Variants in STK4 observed in about 807,000 individuals in gnomAD.
STK4 encodes the protein serine/threonine kinase 4.
In STK4, 30 loss-of-function variants were observed where a neutral mutation model predicts 64.9. The observed-to-expected ratio is 0.46, with a 90% confidence interval of 0.35 to 0.63. STK4 has a LOEUF of 0.63. STK4 is among the 20% of genes least tolerant of loss of function. The pLI is 0.01. For synonymous variants in STK4, 177 were observed against 199.0 expected (o/e 0.89, Z 0.93); for missense variants, 466 against 598.5 (o/e 0.78, Z 2.31).
rs569340517 is a variant in STK4 at position 45,017,168 on chromosome 20, G to A, written c.1148-7805G>A. On this transcript the variant is annotated intron_variant, in intron 9 of 10. Transcript: ENST00000372806. ...CATGTAGAGTATGAAAACCAAATGAGGCATTCACTGCTTTCAGTAACTTAT... is the reference window on the plus strand; with the variant it reads ...CATGTAGAGTATGAAAACCAAATGAAGCATTCACTGCTTTCAGTAACTTAT... Among the ~76,000 whole-genome samples the A allele has an allele frequency of 3.2e-4, 48 of 152,230 alleles. 1 individual carries two copies. The highest frequency in any genetic ancestry group is 1.1e-3 in the African/African-American group (46 of 41,538).
intron 10 of STK4, among the ~76,000 whole-genome samples, chr20:45,028,389 C>G (rs1490308573): frequency 6.6e-6 from 1 of 150,748 alleles, no homozygotes; most frequent in Non-Finnish European, 1.5e-5. Flanking sequence ...TGCAGTGGTC[C>G]GATCATAGCT....
chr20:45,013,724 G>C lies in STK4; in HGVS notation c.1148-11249G>C, dbSNP rs139596490. Among the ~76,000 whole-genome samples the C allele has an allele frequency of 1.2e-3, 178 of 152,200 alleles. 1 individual carries two copies. Among genetic ancestry groups the C allele is most frequent in the African/African-American group, 4.0e-3 (168 of 41,540 alleles). ...ATAATGTATTTTCTAATTGTTTGGT[G>C]CAGGAATCTGTAATTAGCAATCAGT... On this transcript the variant is annotated intron_variant, in intron 9 of 10. Transcript: ENST00000372806.
chr20:44,993,882 G>C (rs983365653), intron 5 of STK4, among the ~76,000 whole-genome samples: 1 of 151,916 alleles, frequency 6.6e-6, no homozygotes, highest in Non-Finnish European at 1.5e-5. Context: ...GGGAGACTCA[G>C]TCAGGAGAGT....
At chr20:44,999,305 A>G (rs1366480859) in intron 7 of STK4, among the ~76,000 whole-genome samples, 1 of 152,192 alleles carries the variant, frequency 6.6e-6, no homozygotes, top group African/African-American at 2.4e-5. Context: ...GGATTGCCAA[A>G]TTCTTTTTCT....
intron 9 of STK4, chr20:45,007,694 GCTGT>G (rs1437135444): frequency 3.0e-6 from 1 of 335,540 alleles, no homozygotes; most frequent in Non-Finnish European, 5.9e-6. Context: ...TGATTCTGGT[GCTGT>G]CTTTCACTGA....
At chr20:45,015,913 C>T (rs1249508090) in intron 9 of STK4, among the ~76,000 whole-genome samples, 2 of 152,022 alleles carry the variant, frequency 1.3e-5, no homozygotes, top group African/African-American at 2.4e-5. Flanking sequence ...TTTCATTGGA[C>T]GTAAACATTT....
At chr20:45,038,632 A>T (rs905181174) in intron 10 of STK4, among the ~76,000 whole-genome samples, 2 of 152,010 alleles carry the variant, frequency 1.3e-5, no homozygotes, top group South Asian at 4.1e-4. Context: ...CTTATTTAAT[A>T]TGTTCCCTGA....
At chr20:45,036,062 A>G (rs541760141) in intron 10 of STK4, among the ~76,000 whole-genome samples, 4 of 152,292 alleles carry the variant, frequency 2.6e-5, no homozygotes, top group Non-Finnish European at 4.4e-5. Flanking sequence ...TAAACAATGT[A>G]TTGTATTTTG....
chr20:44,978,649 A>C, intron 3 of STK4, 78 bp downstream of exon 3: 1 of 1,464,620 alleles, frequency 6.8e-7, no homozygotes, highest in Non-Finnish European at 9.1e-7. Context: ...ATACCTAGAG[A>C]CACATTTACT....
intron 9 of STK4, among the ~76,000 whole-genome samples, chr20:45,022,696 G>A (rs2068269734): frequency 6.6e-6 from 1 of 152,040 alleles, no homozygotes. Context: ...AATTAATGAA[G>A]AACCATAGAA....
chr20:45,025,277 C>T, intron 10 of STK4, 147 bp downstream of exon 10: 1 of 924,514 alleles, frequency 1.1e-6, no homozygotes, highest in Non-Finnish European at 1.5e-6. Flanking sequence ...AGTATTTTGA[C>T]TGATGTTTGG....
At chr20:45,025,226 C>G in intron 10 of STK4, 96 bp downstream of exon 10, 1 of 1,400,858 alleles carries the variant, frequency 7.1e-7, no homozygotes, top group Non-Finnish European at 9.6e-7. Flanking sequence ...CATTTTGAGT[C>G]TCCTAAACCA....
Position 44,997,309 on chromosome 20 carries a change from AT to A in STK4, c.831+4del. 1 of 1,590,324 alleles carries A rather than the reference AT, an allele frequency of 6.3e-7. No individual in the cohort carries two copies. Among genetic ancestry groups the A allele is most frequent in the Non-Finnish European group, 8.5e-7 (1 of 1,171,662 alleles). On this transcript the variant is annotated splice_donor_region_variant and intron_variant, in intron 7 of 10. Transcript: ENST00000372806. ...CCACAGCCACTCAGCTCCTGCAGGT[AT>A]GAATCACCCTGTGATGCCATCTCGC...
chr20:45,059,344 C>A (rs1978786317), intron 10 of STK4, among the ~76,000 whole-genome samples: 1 of 152,134 alleles, frequency 6.6e-6, no homozygotes, highest in Non-Finnish European at 1.5e-5. Context: ...TTAAAGGAAG[C>A]ACATCATGGT....
chr20:45,032,861 A>G (rs1222643180), intron 10 of STK4, among the ~76,000 whole-genome samples: 1 of 152,182 alleles, frequency 6.6e-6, no homozygotes, highest in South Asian at 2.1e-4. Flanking sequence ...GCTTTCCACC[A>G]TGATTGAACT....
At chr20:44,986,034 A>G (rs192203064) in intron 4 of STK4, among the ~76,000 whole-genome samples, 1 of 152,356 alleles carries the variant, frequency 6.6e-6, no homozygotes, top group East Asian at 1.9e-4. Flanking sequence ...AGTTTCTAGC[A>G]TTCTCACTTT....
chr20:44,986,414 C>A (rs576335364), intron 4 of STK4, among the ~76,000 whole-genome samples: 6 of 152,166 alleles, frequency 3.9e-5, no homozygotes, highest in African/African-American at 1.2e-4. Flanking sequence ...AGGAAGCAAG[C>A]CCTTGTTGAA....
chr20:45,064,707 G>A (rs1979416880), intron 10 of STK4, among the ~76,000 whole-genome samples: 1 of 151,938 alleles, frequency 6.6e-6, no homozygotes, highest in East Asian at 1.9e-4. Context: ...ATTTTTTTGT[G>A]GCTATTGTGA....
chr20:44,995,025 A>G, intron 5 of STK4, 65 bp from the exon 6 acceptor site: 12 of 1,243,110 alleles, frequency 9.7e-6, no homozygotes, highest in Non-Finnish European at 1.3e-5. Context: ...TTCTCTGTAG[A>G]CTTCCTCTGT....
Sources: gnomAD v4.1 joint callset for allele counts (sites outside exome capture counted in the v4.1 genomes callset) on GRCh38, gnomAD v4.1.1 for gene constraint, MANE v1.5 for transcripts, NCBI Gene and HGNC (gene_info 2026-07-23, HGNC 2026-07-21) for gene names.